Variants in ATP8A2 observed in about 807,000 individuals in gnomAD.
ATP8A2 encodes phospholipid-transporting ATPase IB.
ATP8A2 carries 100 observed loss-of-function variants against 165.6 expected under a neutral mutation model. The observed-to-expected ratio is 0.60, with a 90% CI of 0.51 to 0.71. The LOEUF (loss-of-function observed/expected upper bound fraction) is 0.71. Among genes scored for constraint, ATP8A2 ranks in the 30% least tolerant of loss-of-function variants. The pLI, the probability that ATP8A2 is intolerant of heterozygous loss-of-function variation, is 0.00. For synonymous variants in ATP8A2, 543 were observed against 548.8 expected, an observed-to-expected ratio of 0.99 and a Z score of 0.15; for missense variants, 1,227 against 1,479.5, an observed-to-expected ratio of 0.83 and a Z score of 2.80.
chr13:25,459,111 C>T (rs1241289397), intron 1 of ATP8A2, among the ~76,000 whole-genome samples: 1 of 152,136 alleles, frequency 6.6e-6, no homozygotes, highest in African/African-American at 2.4e-5. Flanking sequence ...ATTCCCCATG[C>T]CCCCATCTCT....
intron 30 of ATP8A2, among the ~76,000 whole-genome samples, chr13:25,845,679 ACT>A (rs1484130485): frequency 6.6e-6 from 1 of 152,182 alleles, no homozygotes; most frequent in African/African-American, 2.4e-5. Context: ...ACTCAGTGTG[ACT>A]CTCTTTTCCC....
chr13:25,854,214 T>C (rs1287364350), intron 30 of ATP8A2, among the ~76,000 whole-genome samples: 1 of 152,230 alleles, frequency 6.6e-6, no homozygotes, highest in Non-Finnish European at 1.5e-5. Flanking sequence ...TGTATTCATA[T>C]GACCAGAACC....
chr13:25,733,107 G>A (rs936057598), intron 25 of ATP8A2, among the ~76,000 whole-genome samples: 3 of 152,140 alleles, frequency 2.0e-5, no homozygotes, highest in Non-Finnish European at 4.4e-5. Context: ...TGTGTGTCGT[G>A]AAGTCATGGA....
chr13:25,578,958 G>A, intron 21 of ATP8A2, 59 bp downstream of exon 21: 1 of 1,155,922 alleles, frequency 8.7e-7, no homozygotes. Flanking sequence ...CAAGCATGTT[G>A]TCTTGATTTC....
At position 25,640,379 on chromosome 13, in the gene ATP8A2, A is replaced by G. The variant is rs554330444; in HGVS notation, c.2211+50680A>G. Among the ~76,000 whole-genome samples the G allele has an allele frequency of 1.7e-3, 235 of 142,128 alleles. 1 individual carries two copies. The highest frequency in any genetic ancestry group is 5.7e-3 in the African/African-American group (213 of 37,278). 93.2% of individuals were successfully genotyped at this position (142,128 alleles called of 152,430 possible). A position where few individuals can be genotyped will look rare whatever the true frequency, so the allele number is the denominator to read the frequency against. The stretch of plus-strand genomic sequence containing the variant: ...TAGCAAGACTAATAAAGAAGAAAAG[A>G]GAGAAGAATAAAATAGACACAATAA... On this transcript the variant is annotated intron_variant, in intron 24 of 36. Coordinates refer to ENST00000381655, the MANE Select transcript of ATP8A2 (RefSeq NM_016529.6).
chr13:25,372,954 G>A lies in ATP8A2; in HGVS notation c.76+666G>A, dbSNP rs1272834249. On this transcript the variant is annotated intron_variant, in intron 1 of 36. Coordinates refer to ENST00000381655, the MANE Select transcript of ATP8A2 (RefSeq NM_016529.6). The surrounding 1 kb of genome is among the most constrained non-coding windows in gnomAD (Gnocchi z 4.8). ...ATACCCTGCCTGCAGGCGCCTGGGT[G>A]TTGGAACTCGAAACCTAAAGCCAAA... Among the ~76,000 whole-genome samples the A allele has an allele frequency of 2.6e-5, 4 of 152,206 alleles. No individual in the cohort carries two copies. Among genetic ancestry groups the A allele is most frequent in the Admixed American group, 6.5e-5 (1 of 15,286 alleles).
At chr13:25,771,890 C>T (rs750896615) in intron 26 of ATP8A2, among the ~76,000 whole-genome samples, 14 of 152,174 alleles carry the variant, frequency 9.2e-5, no homozygotes, top group Admixed American at 9.2e-4. Flanking sequence ...TGGTAAACAT[C>T]TCTGGTTGTT....
At chr13:25,897,104 A>G (rs1390922330) in intron 33 of ATP8A2, among the ~76,000 whole-genome samples, 2 of 152,162 alleles carry the variant, frequency 1.3e-5, no homozygotes, top group African/African-American at 4.8e-5. Flanking sequence ...TTTGCTCGTT[A>G]GTTGATGCAG....
intron 23 of ATP8A2, among the ~76,000 whole-genome samples, chr13:25,582,321 T>C (rs554061879): frequency 6.6e-6 from 1 of 152,376 alleles, no homozygotes; most frequent in South Asian, 2.1e-4. Context: ...ATAACCATTT[T>C]AATGGTTTTG....
chr13:25,782,559 C>A (rs891292138), intron 27 of ATP8A2, among the ~76,000 whole-genome samples: 3 of 152,156 alleles, frequency 2.0e-5, no homozygotes, highest in Admixed American at 2.0e-4. Flanking sequence ...AGGATACACC[C>A]TCCCCACCTT....
chr13:25,417,895 G>A (rs764641828), intron 1 of ATP8A2, among the ~76,000 whole-genome samples: 2 of 152,236 alleles, frequency 1.3e-5, no homozygotes. Context: ...TATGCAGTCA[G>A]TTTTACTGTG....
intron 27 of ATP8A2, among the ~76,000 whole-genome samples, chr13:25,791,540 CAT>C (rs1299737895): frequency 7.4e-4 from 90 of 120,806 alleles, no homozygotes; most frequent in African/African-American, 2.6e-3. Flanking sequence ...CACACACACA[CAT>C]ACACACACAC....
At chr13:25,877,845 A>C (rs1952858438) in intron 33 of ATP8A2, among the ~76,000 whole-genome samples, 2 of 152,242 alleles carry the variant, frequency 1.3e-5, no homozygotes, top group African/African-American at 4.8e-5. Flanking sequence ...TGTGTTCATT[A>C]AGGACAATAC....
At chr13:25,857,157 G>C (rs1952189786) in intron 30 of ATP8A2, among the ~76,000 whole-genome samples, 1 of 152,090 alleles carries the variant, frequency 6.6e-6, no homozygotes, top group African/African-American at 2.4e-5. Flanking sequence ...CAGCCCCACT[G>C]GTCTTCGTAA....
At chr13:25,787,981 C>A (rs2045074039) in intron 27 of ATP8A2, among the ~76,000 whole-genome samples, 1 of 152,190 alleles carries the variant, frequency 6.6e-6, no homozygotes, top group Non-Finnish European at 1.5e-5. Context: ...ATGCCAGGAC[C>A]CACAGACATG....
At chr13:25,633,701 C>A (rs117684635) in intron 24 of ATP8A2, among the ~76,000 whole-genome samples, 1 of 152,090 alleles carries the variant, frequency 6.6e-6, no homozygotes, top group Non-Finnish European at 1.5e-5. Context: ...GGAGGCTGGA[C>A]GTGGTCGCTC....
intron 27 of ATP8A2, among the ~76,000 whole-genome samples, chr13:25,808,047 T>TTA (rs3053505): frequency 1 from 152,258 of 152,264 alleles, 76,126 homozygotes; most frequent in Non-Finnish European, 1. Flanking sequence ...ACAAGTTGCC[T>TTA]ATTTAAAGAC....
chr13:25,585,449 T>A (rs1489163332), intron 23 of ATP8A2, among the ~76,000 whole-genome samples: 2 of 152,302 alleles, frequency 1.3e-5, no homozygotes, highest in East Asian at 3.9e-4. Context: ...TATTCCATTT[T>A]AAAGTAATTA....
intron 1 of ATP8A2, among the ~76,000 whole-genome samples, chr13:25,444,727 C>T (rs1280377260): frequency 6.6e-6 from 1 of 151,800 alleles, no homozygotes; most frequent in Non-Finnish European, 1.5e-5. Context: ...CTCACTGCAA[C>T]ATCTGCCTCC....
Sources: gnomAD v4.1 joint callset for allele counts (sites outside exome capture counted in the v4.1 genomes callset) on GRCh38, gnomAD v4.1.1 for gene constraint, Gnocchi (gnomAD v3.1) non-coding constraint, MANE v1.5 for transcripts, NCBI Gene and HGNC (gene_info 2026-07-23, HGNC 2026-07-21) for gene names.